The following SOS1 variants were observed in gnomAD, a reference collection of about 807,000 sequenced individuals.
SOS1 encodes son of sevenless homolog 1.
In SOS1, 25 loss-of-function variants were observed where a neutral mutation model predicts 157.6. The observed-to-expected ratio is 0.16, with a 90% CI of 0.12 to 0.22. The LOEUF (loss-of-function observed/expected upper bound fraction) is 0.22. SOS1 is among the 10% of genes least tolerant of loss of function. SOS1 has a pLI of 1.00. For missense variants in SOS1, 1,237 were observed against 1,599.1 expected, an observed-to-expected ratio of 0.77 and a Z score of 3.86; for synonymous variants, 528 against 534.0, an observed-to-expected ratio of 0.99 and a Z score of 0.16.
chr2:39,042,628 C>G (rs1225529715), intron 6 of SOS1, among the ~76,000 whole-genome samples: 1 of 151,720 alleles, frequency 6.6e-6, no homozygotes. Flanking sequence ...TGGTCTCAAA[C>G]TCCTGACCTT....
chr2:39,076,876 T>A (rs1672023130), intron 1 of SOS1, among the ~76,000 whole-genome samples: 1 of 152,124 alleles, frequency 6.6e-6, no homozygotes, highest in African/African-American at 2.4e-5. Flanking sequence ...CCCAAAAGAA[T>A]CTATAGAAAA....
At chr2:39,084,016 G>A (rs558056718) in intron 1 of SOS1, among the ~76,000 whole-genome samples, 1 of 152,204 alleles carries the variant, frequency 6.6e-6, no homozygotes, top group East Asian at 1.9e-4. Context: ...TTAATAAGAG[G>A]AGAAAATTTG....
At chr2:39,024,959 G>A (rs1001738562) in intron 8 of SOS1, among the ~76,000 whole-genome samples, 3 of 152,130 alleles carry the variant, frequency 2.0e-5, no homozygotes, top group African/African-American at 7.2e-5. Context: ...CAGACAGAAC[G>A]TCTCTACTTA....
intron 1 of SOS1, among the ~76,000 whole-genome samples, chr2:39,083,868 C>G (rs1672288088): frequency 6.6e-6 from 1 of 152,108 alleles, no homozygotes; most frequent in Admixed American, 6.5e-5. Flanking sequence ...TGAATAGTGT[C>G]CCTCCAAAAT....
chr2:39,070,930 T>C (rs297127), intron 1 of SOS1, among the ~76,000 whole-genome samples: 135,089 of 152,196 alleles, frequency 0.89, 60,088 homozygotes, highest in Non-Finnish European at 0.92. Flanking sequence ...TGGTGCAACC[T>C]TGGCTCACTG....
At chr2:38,989,395 G>T in intron 20 of SOS1, 81 bp from the exon 21 acceptor site, 1 of 859,588 alleles carries the variant, frequency 1.2e-6, no homozygotes, top group Non-Finnish European at 2.0e-6. Context: ...GTATTATGAT[G>T]AAAATGTTAT....
rs973373222 is a variant in SOS1 at position 38,985,403 on chromosome 2, T to C, written c.*421A>G. The stretch of plus-strand genomic sequence containing the variant: ...TAAAGCAAAGGAAAACAAAGGAAGA[T>C]ATTAAGATCCCTGTTTAAGTTTTTT... On this transcript the variant is annotated 3_prime_UTR_variant, in exon 23 of 23. Transcript: ENST00000402219. 11 of 177,148 alleles carry C rather than the reference T, an allele frequency of 6.2e-5. No homozygotes were observed. The highest frequency in any genetic ancestry group is 1.1e-4 in the Non-Finnish European group (10 of 90,018). The allele number at this position is 177,148 out of a possible 1,614,324, so 11.0% of individuals were successfully genotyped here. A position where few individuals can be genotyped will look rare whatever the true frequency, so the allele number is the denominator to read the frequency against.
At chr2:39,026,401 C>T (rs1669965873) in intron 8 of SOS1, among the ~76,000 whole-genome samples, 1 of 150,434 alleles carries the variant, frequency 6.6e-6, no homozygotes, top group African/African-American at 2.5e-5. Context: ...TAACAATTCT[C>T]AACATAAAAA....
chr2:39,086,736 A>T (rs1672389862), intron 1 of SOS1, among the ~76,000 whole-genome samples: 1 of 152,208 alleles, frequency 6.6e-6, no homozygotes, highest in South Asian at 2.1e-4. Flanking sequence ...GTTCTAGGAA[A>T]GGAAGGGAGT....
Position 39,022,882 on chromosome 2 carries a change from T to C in SOS1, c.1546A>G (p.Ile516Val). ...DTNEYKHAFE[I>V]ILKDENSVIF... ...ACACTATTTTCATCTTTTAAAATTA[T>C]TTCAAAAGCATGCTTGTATTCATTG... Residue 516 changes from isoleucine to valine, a missense_variant, in exon 10 of 23, where the codon ATA becomes GTA. Ile to Val is a conservative substitution (Grantham distance 29). This residue lies in a region of SOS1 where 210 missense variants were observed against 220.2 expected (regional missense o/e 0.95). Transcript: ENST00000402219. 11 of 1,612,762 alleles carry C rather than the reference T, an allele frequency of 6.8e-6. No homozygotes were observed. Among genetic ancestry groups the C allele is most frequent in the Non-Finnish European group, 9.3e-6 (11 of 1,179,098 alleles).
intron 1 of SOS1, among the ~76,000 whole-genome samples, chr2:39,086,064 T>C (rs1379311243): frequency 2.0e-5 from 3 of 152,222 alleles, no homozygotes; most frequent in Admixed American, 1.3e-4. Flanking sequence ...TAATATTACA[T>C]ACCAATATAT....
intron 1 of SOS1, among the ~76,000 whole-genome samples, chr2:39,073,059 C>A (rs1192936111): frequency 6.6e-6 from 1 of 152,196 alleles, no homozygotes; most frequent in African/African-American, 2.4e-5. Context: ...AGAATAAACA[C>A]ACTTCTATTC....
At chr2:38,999,987 T>C (rs1017224714) in intron 17 of SOS1, among the ~76,000 whole-genome samples, 22 of 152,140 alleles carry the variant, frequency 1.4e-4, no homozygotes, top group Admixed American at 1.2e-3. Context: ...AGGCTAACAA[T>C]AGTCCTGGTG....
At chr2:39,044,839 T>C (rs2124582597) in intron 6 of SOS1, among the ~76,000 whole-genome samples, 1 of 140,734 alleles carries the variant, frequency 7.1e-6, no homozygotes, top group South Asian at 2.3e-4. Flanking sequence ...GGGATGACTG[T>C]GTACACACAC....
At chr2:39,069,762 G>T (rs909363360) in intron 1 of SOS1, among the ~76,000 whole-genome samples, 2 of 152,116 alleles carry the variant, frequency 1.3e-5, no homozygotes, top group Non-Finnish European at 2.9e-5. Flanking sequence ...TGGCCAGGCT[G>T]GTCTCAAACT....
At chr2:39,114,142 C>T (rs533506807) in intron 1 of SOS1, among the ~76,000 whole-genome samples, 18 of 152,176 alleles carry the variant, frequency 1.2e-4, no homozygotes, top group South Asian at 4.1e-4. Flanking sequence ...GTCACCCAGA[C>T]GGCAGTGCAA....
At chr2:38,995,984 C>T (rs1668877134) in intron 19 of SOS1, among the ~76,000 whole-genome samples, 1 of 152,018 alleles carries the variant, frequency 6.6e-6, no homozygotes, top group Non-Finnish European at 1.5e-5. Flanking sequence ...TGAACAAGGG[C>T]TTGAGAAATT....
At chr2:39,039,204 C>G (rs1399658067) in intron 6 of SOS1, among the ~76,000 whole-genome samples, 2 of 152,174 alleles carry the variant, frequency 1.3e-5, no homozygotes, top group Non-Finnish European at 2.9e-5. Flanking sequence ...CTTTTATATG[C>G]ACTGTAAGCC....
At chr2:39,120,314 C>T (rs758640800) in intron 1 of SOS1, 22 bp downstream of exon 1, 45 of 1,556,406 alleles carry the variant, frequency 2.9e-5, no homozygotes, top group Non-Finnish European at 3.6e-5. Flanking sequence ...GGCCGGGAAG[C>T]GGGGTCCCGC....
Sources: gnomAD v4.1 joint callset for allele counts (sites outside exome capture counted in the v4.1 genomes callset) on GRCh38, gnomAD v4.1.1 for gene constraint, gnomAD v4.1.1 regional missense constraint, MANE v1.5 for transcripts, NCBI Gene and HGNC (gene_info 2026-07-23, HGNC 2026-07-21) for gene names.